Variants in STAG3 observed in about 807,000 individuals in gnomAD.
The protein encoded by STAG3 is cohesin subunit SA-3.
In STAG3, 101 loss-of-function variants were observed where a neutral mutation model predicts 160.7. The observed-to-expected ratio is 0.63, with a 90% CI of 0.54 to 0.74. The LOEUF (loss-of-function observed/expected upper bound fraction) is 0.74. Ranked by LOEUF, STAG3 falls within the 30% of genes least tolerant of loss-of-function variation. The pLI is 0.00. For missense variants in STAG3, 1,188 were observed against 1,517.4 expected (o/e 0.78, Z 3.61); for synonymous variants, 519 against 585.0 (o/e 0.89, Z 1.63).
At chr7:100,212,741 T>A (rs1001436143) in intron 32 of STAG3, 26 of 152,136 alleles carry the variant, frequency 1.7e-4, no homozygotes, top group African/African-American at 5.8e-4. Flanking sequence ...ATTACAGGTG[T>A]GAGCCACTGC....
chr7:100,203,007 T>G (rs1244489371), intron 25 of STAG3, among the ~76,000 whole-genome samples: 1 of 152,108 alleles, frequency 6.6e-6, no homozygotes, highest in Non-Finnish European at 1.5e-5. Flanking sequence ...CAAGCACCAT[T>G]CCAGGAGCTA....
chr7:100,186,762 A>G (rs1800028560), intron 5 of STAG3, among the ~76,000 whole-genome samples: 1 of 152,204 alleles, frequency 6.6e-6, no homozygotes, highest in Non-Finnish European at 1.5e-5. Context: ...GTAGGGAACC[A>G]TGTTGGTTTA....
At chr7:100,186,359 C>T in intron 5 of STAG3, 63 bp downstream of exon 5, 1 of 1,421,096 alleles carries the variant, frequency 7.0e-7, no homozygotes, top group Non-Finnish European at 9.9e-7. Flanking sequence ...GAAATTCTTT[C>T]TCCATTTAGA....
chr7:100,199,025 C>T (rs1800883691), intron 14 of STAG3, 68 bp downstream of exon 14: 2 of 1,426,836 alleles, frequency 1.4e-6, no homozygotes, highest in Non-Finnish European at 9.9e-7. Flanking sequence ...GTTGGTGGCT[C>T]ACGCCTGTAA....
downstream of STAG3, among the ~76,000 whole-genome samples, chr7:100,216,361 G>A (rs1802752233): frequency 1.3e-5 from 1 of 76,856 alleles, no homozygotes; most frequent in Admixed American, 9.9e-5. Context: ...CATTTAAAAT[G>A]TAACATGAGT....
At chr7:100,197,933 C>T in intron 11 of STAG3, 57 bp downstream of exon 11, 1 of 1,549,846 alleles carries the variant, frequency 6.5e-7, no homozygotes, top group Non-Finnish European at 8.9e-7. Flanking sequence ...ATTTCCCCAC[C>T]TTGTATCTTT....
At chr7:100,192,926 A>G (rs563671960) in intron 8 of STAG3, among the ~76,000 whole-genome samples, 4 of 152,354 alleles carry the variant, frequency 2.6e-5, no homozygotes, top group Admixed American at 2.0e-4. Context: ...CCAAATCATC[A>G]GAGGAATCAC....
downstream of STAG3, among the ~76,000 whole-genome samples, chr7:100,216,582 C>T (rs151199278): frequency 2.6e-5 from 4 of 152,028 alleles, no homozygotes; most frequent in Non-Finnish European, 4.4e-5. Context: ...GGGCAGATCA[C>T]GAGGTCAAGA....
chr7:100,198,768 T>C (rs1800858476), intron 13 of STAG3, 75 bp from the exon 14 acceptor site: 2 of 1,380,870 alleles, frequency 1.4e-6, no homozygotes, highest in Non-Finnish European at 2.1e-6. Context: ...CCTTGGGCCA[T>C]CTCCTCCCTC....
At position 100,211,811 on chromosome 7, in the gene STAG3, G is replaced by C; in HGVS notation, c.3535G>C (p.Glu1179Gln). Residue 1179 changes from glutamate (E) to glutamine (Q), a missense_variant, in exon 32 of 34, where the codon GAG (glutamate) becomes CAG (glutamine). Around this residue, in one of 4 missense-constraint regions of STAG3, gnomAD observed 647 missense variants for 717.2 expected, o/e 0.90. Coordinates refer to ENST00000615138, the MANE Select transcript of STAG3 (RefSeq NM_001282717.2). ...NQLMRLSLME[E>Q]DEEEELEIQD... ...CTACATCAGACTCAGCCTTATGGAA[G>C]AGGACGAGGAAGAAGAGTTAGAAAT... 6.2e-7 allele frequency: 1 copy of C among 1,614,170 alleles called. No individual in the cohort carries two copies. Among genetic ancestry groups the C allele is most frequent in the South Asian group, 1.1e-5 (1 of 91,084 alleles).
rs779342202 is a variant in STAG3 at position 100,197,848 on chromosome 7, G to T, written c.1136G>T (p.Arg379Leu). The change falls in exon 11 of 34, where the codon CGC becomes CTC. Residue 379 changes from arginine to leucine, a missense_variant. Arg to Leu is a moderately radical substitution (Grantham distance 102, BLOSUM62 -2). Around this residue, in one of 4 missense-constraint regions of STAG3, gnomAD observed 240 missense variants for 358.1 expected, o/e 0.67. Transcript: ENST00000615138. ...GLYGNRDLTT[R>L]LELFTSRFKD... ...TACGGTAACCGGGACCTGACCACACGCCTGGAGCTCTTCACCAGCCGCTTC... is the reference window on the plus strand; with the variant it reads ...TACGGTAACCGGGACCTGACCACACTCCTGGAGCTCTTCACCAGCCGCTTC... The T allele has an allele frequency of 8.1e-6, 13 of 1,613,730 alleles. No individual in the cohort carries two copies. The highest frequency in any genetic ancestry group is 2.2e-5 in the East Asian group (1 of 44,846).
In STAG3 at chr7:100,209,425, G is replaced by T. The variant is rs910996999; in HGVS notation, c.3239-1586G>T. On this transcript the variant is annotated intron_variant, in intron 29 of 33. Coordinates refer to ENST00000615138, the MANE Select transcript of STAG3 (RefSeq NM_001282717.2). ...AGGAACAGCAGAGAAGACCATTATG[G>T]CCAGAATGCAGATTGTAGGACATGA... is the stretch of plus-strand genomic sequence containing the variant. Among the ~76,000 whole-genome samples the T allele has an allele frequency of 3.3e-5, 5 of 152,196 alleles. No homozygotes were observed. In the East Asian group the frequency reaches 9.6e-4, roughly 29 times the overall value.
At chr7:100,202,102 A>G (rs1801191378) in intron 23 of STAG3, 61 bp downstream of exon 23, 3 of 1,610,458 alleles carry the variant, frequency 1.9e-6, no homozygotes, top group Non-Finnish European at 8.5e-7. Flanking sequence ...TCCAAGGAGA[A>G]ATTGACAGTG....
At chr7:100,185,430 A>G (rs1050888661) in intron 4 of STAG3, among the ~76,000 whole-genome samples, 1 of 151,972 alleles carries the variant, frequency 6.6e-6, no homozygotes, top group Non-Finnish European at 1.5e-5. Flanking sequence ...CCCTGTCTCT[A>G]CTAAAAATAC....
At chr7:100,187,215 A>G (rs1232637026) in intron 5 of STAG3, among the ~76,000 whole-genome samples, 2 of 151,880 alleles carry the variant, frequency 1.3e-5, no homozygotes, top group Non-Finnish European at 2.9e-5. Context: ...TATTTTTAGT[A>G]GAGATGGGGT....
Position 100,201,351 on chromosome 7 carries a change from G to A in STAG3, c.2220G>A (p.Gln740=). Residue 740 remains glutamine, a splice_region_variant and synonymous_variant, in exon 21 of 34, where the codon CAG becomes CAA. Transcript: ENST00000615138. ...KAVDTGEVPH[Q]VILPALTLVY... is the part of the protein sequence containing the mutation. ...TGGACACAGGAGAGGTTCCTCACCA[G>A]GTGAGTGGACAGGCTAGAGATGGGT... The A allele has an allele frequency of 4.3e-6, 7 of 1,614,074 alleles. No homozygotes were observed. The highest frequency in any genetic ancestry group is 5.9e-6 in the Non-Finnish European group (7 of 1,179,948).
intron 3 of STAG3, 124 bp downstream of exon 3, chr7:100,182,316 G>T (rs1046616204): frequency 4.5e-6 from 3 of 660,690 alleles, no homozygotes; most frequent in African/African-American, 3.7e-5. Flanking sequence ...CCGAGATTGC[G>T]CCCCTGCACT....
Position 100,207,882 on chromosome 7 carries a change from C to T in STAG3, c.3238+2498C>T, listed in dbSNP as rs567898014. Among the ~76,000 whole-genome samples the T allele has an allele frequency of 7.8e-4, 118 of 152,166 alleles. 1 individual carries two copies. The highest frequency in any genetic ancestry group is 6.8e-3 in the Middle Eastern group (2 of 294). On this transcript the variant is annotated intron_variant, in intron 29 of 33. Coordinates refer to ENST00000615138, the MANE Select transcript of STAG3 (RefSeq NM_001282717.2). The surrounding 1 kb of genome is among the most constrained non-coding windows in gnomAD (Gnocchi z 4.0). ...CTGTAATCCCAGCACTTTGGGAGGC[C>T]GAGGCGGGCGGATCACGAGGTCAGG...
Position 100,204,031 on chromosome 7 carries a change from A to C in STAG3, c.2711A>C (p.Asp904Ala). 1 of 1,612,742 alleles carries C rather than the reference A, an allele frequency of 6.2e-7. No individual in the cohort carries two copies. Among genetic ancestry groups the C allele is most frequent in the Non-Finnish European group, 8.5e-7 (1 of 1,178,798 alleles). The change falls in exon 26 of 34, where the codon GAC becomes GCC. Residue 904 changes from aspartate (D) to alanine (A), a missense_variant. This residue lies in a region of STAG3 where 647 missense variants were observed against 717.2 expected (regional missense o/e 0.90). Coordinates refer to ENST00000615138, the MANE Select transcript of STAG3 (RefSeq NM_001282717.2). ...VFKHYNKFYN[D>A]YGDIIKETLT... ...ACTCTTTCCCCTCAGTTCTACAATGACTATGGTGACATTATCAAGGAAACA... is the reference window on the plus strand; with the variant it reads ...ACTCTTTCCCCTCAGTTCTACAATGCCTATGGTGACATTATCAAGGAAACA...
Sources: allele counts gnomAD v4.1 joint callset (sites outside exome capture counted in the v4.1 genomes callset), GRCh38; gene constraint gnomAD v4.1.1; regional missense constraint gnomAD v4.1.1; non-coding constraint Gnocchi (gnomAD v3.1); transcripts MANE v1.5; gene names NCBI Gene and HGNC (gene_info 2026-07-23, HGNC 2026-07-21).